CHRNB1: variants seen among roughly 807,000 people sequenced by gnomAD.
CHRNB1 encodes the protein acetylcholine receptor subunit beta.
A neutral mutation model predicts 53.8 loss-of-function variants in CHRNB1; 47 were observed. The ratio of observed to expected loss-of-function variants is 0.87; its 90% confidence interval spans 0.69 to 1.11. The LOEUF (loss-of-function observed/expected upper bound fraction) is 1.11. Ranked by LOEUF, CHRNB1 falls within the 50% of genes most tolerant of loss-of-function variation. The probability of loss-of-function intolerance (pLI) is 0.00; values close to 1 mark genes in which losing one functional copy is unlikely to be tolerated. For missense variants in CHRNB1, 605 were observed against 654.9 expected (o/e 0.92, Z 0.83); for synonymous variants, 259 against 263.5 (o/e 0.98, Z 0.16).
Position 7,445,673 on chromosome 17 carries a change from G to C in CHRNB1, c.198+264G>C. The stretch of plus-strand genomic sequence containing the variant: ...AAAGTGGGGCTGGGGACGAGGCAGG[G>C]GCTGGGGGACGGACCTCGACGTAGG... On this transcript the variant is annotated intron_variant, in intron 2 of 10. Coordinates refer to ENST00000306071, the MANE Select transcript of CHRNB1 (RefSeq NM_000747.3). The surrounding 1 kb of genome is among the most constrained non-coding windows in gnomAD (Gnocchi z 5.7). 7.5e-7 allele frequency: 1 copy of C among 1,328,506 alleles called. No homozygotes were observed. The highest frequency in any genetic ancestry group is 1.5e-5 in the South Asian group (1 of 65,554). 82.3% of individuals were successfully genotyped at this position (1,328,506 alleles called of 1,614,324 possible). A position where few individuals can be genotyped will look rare whatever the true frequency, so the allele number is the denominator to read the frequency against.
At chr17:7,448,070 G>T (rs111288161) in intron 6 of CHRNB1, among the ~76,000 whole-genome samples, 1 of 54,420 alleles carries the variant, frequency 1.8e-5, no homozygotes, top group African/African-American at 8.9e-5. Flanking sequence ...GTGAAAGTTC[G>T]TCTCAAAAAA....
Position 7,448,050 on chromosome 17 carries a change from C to T in CHRNB1, c.610+400C>T, listed in dbSNP as rs531679497. Among the ~76,000 whole-genome samples, 10 of 81,810 alleles carry T rather than the reference C, an allele frequency of 1.2e-4. No homozygotes were observed. The East Asian group carries it at 2.8e-3, about 23-fold the overall frequency. 53.7% of individuals were successfully genotyped at this position (81,810 alleles called of 152,430 possible). A position where few individuals can be genotyped will look rare whatever the true frequency, so the allele number is the denominator to read the frequency against. ...AGATGGCGCCACTGCACTCCAGCTT[C>T]GGTAACAGAGTGAAAGTTCGTCTCA... On this transcript the variant is annotated intron_variant, in intron 6 of 10. Transcript: ENST00000306071.
Position 7,445,887 on chromosome 17 carries a change from G to C in CHRNB1, c.199-182G>C, listed in dbSNP as rs1908587105. 3.0e-6 allele frequency: 2 copies of C among 662,196 alleles called. No individual in the cohort carries two copies. Among genetic ancestry groups the C allele is most frequent in the East Asian group, 5.4e-5 (2 of 36,974 alleles). The allele number at this position is 662,196 out of a possible 1,614,324, so 41.0% of individuals were successfully genotyped here. On this transcript the variant is annotated intron_variant, in intron 2 of 10. Coordinates refer to ENST00000306071, the MANE Select transcript of CHRNB1 (RefSeq NM_000747.3). This position sits in a 1 kb window ranked among gnomAD's most constrained non-coding sequence, Gnocchi z 5.7. ...AGGCTGGGAGTGTAGACGGCAGGAA[G>C]AGGTGTTTCTGAGATAGAGGCAGGT...
Position 7,450,040 on chromosome 17 carries a change from A to AAAATAAATAAAT in CHRNB1, c.820+1283_820+1294dup, listed in dbSNP as rs201151995. On this transcript the variant is annotated intron_variant, in intron 7 of 10. Transcript: ENST00000306071. ...GCCTGGGAGACAGACTCTGTCTCAAAAAATAAATAAATAAATAAATAAATA... is the reference window on the plus strand; with the variant it reads ...GCCTGGGAGACAGACTCTGTCTCAAAAAATAAATAAATAAATAAATAAATAAATAAATAAATA... Among the ~76,000 whole-genome samples the AAAATAAATAAAT allele has an allele frequency of 3.2e-3, 461 of 142,964 alleles. 2 individuals carry two copies. The highest frequency in any genetic ancestry group is 8.5e-3 in the African/African-American group (326 of 38,532). 93.8% of individuals were successfully genotyped at this position (142,964 alleles called of 152,430 possible).
Position 7,455,833 on chromosome 17 carries a change from T to C in CHRNB1, c.1257T>C (p.Phe419=). Residue 419 remains phenylalanine (F), a synonymous_variant, in exon 10 of 11, where the codon TTT becomes TTC. Transcript: ENST00000306071. The part of the protein sequence containing the change: ...PELSAPDLRR[F]IDGPNRAVAL... ...TGTCTGCCCCTGATCTGCGGCGATTTATCGATGGTCCAAACCGGGCTGTGG... is the reference window on the plus strand; with the variant it reads ...TGTCTGCCCCTGATCTGCGGCGATTCATCGATGGTCCAAACCGGGCTGTGG... 3 of 1,614,068 alleles carry C rather than the reference T, an allele frequency of 1.9e-6. No homozygotes were observed. The highest frequency in any genetic ancestry group is 1.1e-5 in the South Asian group (1 of 91,076).
Position 7,455,295 on chromosome 17 carries a change from C to G in CHRNB1, c.1056C>G (p.His352Gln), listed in dbSNP as rs758883885. 1.2e-6 allele frequency: 2 copies of G among 1,614,108 alleles called. No individual in the cohort carries two copies. The highest frequency in any genetic ancestry group is 3.3e-5 in the Admixed American group (2 of 60,024). ...CTTCTACTCTGCAGATCTTCATTCA[C>G]AAACTTCCGCTGTACCTGCGTCTAA... is the stretch of plus-strand genomic sequence containing the variant. ...MPLWVRQIFI[H>Q]KLPLYLRLKR... The change falls in exon 9 of 11, where the codon CAC becomes CAG. Residue 352 changes from histidine (H) to glutamine (Q), a missense_variant. By Grantham distance (24) the His-to-Gln change is conservative. Transcript: ENST00000306071.
chr17:7,449,402 CTTT>C (rs769505757), intron 7 of CHRNB1, among the ~76,000 whole-genome samples: 2 of 89,060 alleles, frequency 2.2e-5, no homozygotes, highest in Admixed American at 1.4e-4. Context: ...AGGGCCCGAC[CTTT>C]TTTTTTTTTT....
At chr17:7,455,983 C>T (rs1368384983) in intron 10 of CHRNB1, 42 bp downstream of exon 10, 1 of 1,603,004 alleles carries the variant, frequency 6.2e-7, no homozygotes, top group Admixed American at 1.7e-5. Context: ...TCTAGGCGAC[C>T]TTGGCCCCAC....
rs2069960375 is a variant in CHRNB1, at chr17:7,457,111, A to T, written c.*388A>T. On this transcript the variant is annotated 3_prime_UTR_variant, in exon 11 of 11. Transcript: ENST00000306071. ...GGCGGGCGGATCACCTGAGGTCGGGAGTTTGAGACCAGCCCGACCAACATG... is the reference window on the plus strand; with the variant it reads ...GGCGGGCGGATCACCTGAGGTCGGGTGTTTGAGACCAGCCCGACCAACATG... The T allele has an allele frequency of 4.0e-6, 1 of 251,578 alleles. No individual in the cohort carries two copies. The highest frequency in any genetic ancestry group is 2.3e-5 in the African/African-American group (1 of 44,414). 15.6% of individuals were successfully genotyped at this position (251,578 alleles called of 1,614,324 possible). A position where few individuals can be genotyped will look rare whatever the true frequency, so the allele number is the denominator to read the frequency against.
chr17:7,454,200 C>A, intron 7 of CHRNB1, 97 bp from the exon 8 acceptor site: 1 of 1,078,538 alleles, frequency 9.3e-7, no homozygotes, highest in Non-Finnish European at 1.4e-6. Context: ...CTGTAGAAAT[C>A]TGTCTTTGAA....
Position 7,445,408 on chromosome 17 carries a change from T to G in CHRNB1, c.197T>G (p.Leu66Arg), listed in dbSNP as rs962389622. ...VGLILAQLIS[L>R]NEKDEEMSTK... The stretch of plus-strand genomic sequence containing the variant: ...CTCATCCTGGCGCAACTCATCAGCC[T>G]GGTGAGGGCGCGCGGGGGGTGGAGG... Residue 66 changes from leucine (L) to arginine (R), a missense_variant and splice_region_variant, in exon 2 of 11, where the codon CTG becomes CGG. Transcript: ENST00000306071. This position sits in a 1 kb window ranked among gnomAD's most constrained non-coding sequence, Gnocchi z 5.7. The G allele has an allele frequency of 1.9e-6, 3 of 1,610,142 alleles. No homozygotes were observed. In the East Asian group the frequency reaches 6.7e-5, roughly 36 times the overall value.
rs754080801 is a variant in CHRNB1, at chr17:7,445,418, G to T, written c.198+9G>T. ...CGCAACTCATCAGCCTGGTGAGGGCGCGCGGGGGGTGGAGGTCAGGCCAGC... is the reference window on the plus strand; with the variant it reads ...CGCAACTCATCAGCCTGGTGAGGGCTCGCGGGGGGTGGAGGTCAGGCCAGC... On this transcript the variant is annotated intron_variant, in intron 2 of 10. Transcript: ENST00000306071. The surrounding 1 kb of genome is among the most constrained non-coding windows in gnomAD (Gnocchi z 5.7). 3 of 1,610,196 alleles carry T rather than the reference G, an allele frequency of 1.9e-6. No individual in the cohort carries two copies. Among genetic ancestry groups the T allele is most frequent in the Admixed American group, 1.7e-5 (1 of 59,824 alleles).
In CHRNB1 at chr17:7,455,412, C is replaced by T; in HGVS notation, c.1173C>T (p.Phe391=). The change falls in exon 9 of 11, where the codon TTC becomes TTT. Residue 391 remains phenylalanine, a synonymous_variant. Coordinates refer to ENST00000306071, the MANE Select transcript of CHRNB1 (RefSeq NM_000747.3). ...SGWGRGTDEY[F]IRKPPSDFLF... ...GGGGTCGGGGAACAGATGAATATTT[C>T]ATCCGGAAGCCGCCAAGTGATTTTC... 1 of 1,614,158 alleles carries T rather than the reference C, an allele frequency of 6.2e-7. No individual in the cohort carries two copies. Among genetic ancestry groups the T allele is most frequent in the Non-Finnish European group, 8.5e-7 (1 of 1,180,036 alleles).
chr17:7,455,848 C>T lies in CHRNB1; in HGVS notation c.1272C>T (p.Asn424=). 1.2e-6 allele frequency: 2 copies of T among 1,614,160 alleles called. No individual in the cohort carries two copies. The highest frequency in any genetic ancestry group is 1.7e-6 in the Non-Finnish European group (2 of 1,180,032). ...PDLRRFIDGP[N]RAVALLPELR... ...TGCGGCGATTTATCGATGGTCCAAA[C>T]CGGGCTGTGGCCCTGCTTCCGGAGC... The change falls in exon 10 of 11, where the codon AAC becomes AAT. Residue 424 remains asparagine, a synonymous_variant. Transcript: ENST00000306071.
chr17:7,449,827 G>A (rs2150840046), intron 7 of CHRNB1, among the ~76,000 whole-genome samples: 1 of 151,814 alleles, frequency 6.6e-6, no homozygotes, highest in Non-Finnish European at 1.5e-5. Context: ...GGTGGATCAC[G>A]AGGTCAGGAG....
At chr17:7,448,348 T>G (rs1908742776) in intron 6 of CHRNB1, among the ~76,000 whole-genome samples, 1 of 152,168 alleles carries the variant, frequency 6.6e-6, no homozygotes, top group Non-Finnish European at 1.5e-5. Flanking sequence ...ATCACGCCAC[T>G]GCACTCCAAC....
chr17:7,454,547 C>G (rs756239699), intron 8 of CHRNB1, 27 bp downstream of exon 8: 1 of 1,584,904 alleles, frequency 6.3e-7, no homozygotes, highest in East Asian at 2.2e-5. Context: ...CCTCCAACCC[C>G]AATTTTCCTT....
intron 6 of CHRNB1, among the ~76,000 whole-genome samples, chr17:7,448,350 C>T (rs1459904226): frequency 1.3e-5 from 2 of 152,176 alleles, no homozygotes; most frequent in Non-Finnish European, 2.9e-5. Flanking sequence ...CACGCCACTG[C>T]ACTCCAACCT....
intron 8 of CHRNB1, 38 bp from the exon 9 acceptor site, chr17:7,455,246 A>G (rs747700318): frequency 1.9e-6 from 3 of 1,613,462 alleles, no homozygotes; most frequent in South Asian, 2.2e-5. Flanking sequence ...GTCTGAAAGC[A>G]TGAAAGCCCC....
Sources: allele counts gnomAD v4.1 joint callset (sites outside exome capture counted in the v4.1 genomes callset), GRCh38; gene constraint gnomAD v4.1.1; non-coding constraint Gnocchi (gnomAD v3.1); transcripts MANE v1.5; gene names NCBI Gene and HGNC (gene_info 2026-07-23, HGNC 2026-07-21).